The following MORC4 variants were observed in gnomAD, a reference collection of about 807,000 sequenced individuals.
MORC4 encodes MORC family CW-type zinc finger protein 4.
A neutral mutation model predicts 65.5 loss-of-function variants in MORC4; 22 were observed. That is an observed-to-expected ratio of 0.34 (90% CI 0.24 to 0.48). The LOEUF (loss-of-function observed/expected upper bound fraction) is 0.48. MORC4 is among the 20% of genes least tolerant of loss of function. MORC4 has a pLI of 0.99. For missense variants in MORC4, 624 were observed against 703.0 expected (o/e 0.89, Z 1.27); for synonymous variants, 267 against 255.8 (o/e 1.04, Z -0.42).
chrX:106,947,716 A>T (rs1353194342), intron 14 of MORC4, among the ~76,000 whole-genome samples: 1 of 105,538 alleles, frequency 9.5e-6, no homozygotes, highest in Non-Finnish European at 1.9e-5. Flanking sequence ...ACTTTTAAAT[A>T]AAAAATGTTA....
At chrX:106,975,299 G>T (rs1934599474) in intron 9 of MORC4, among the ~76,000 whole-genome samples, 1 of 111,453 alleles carries the variant, frequency 9.0e-6, no homozygotes, top group Non-Finnish European at 1.9e-5. Context: ...TCAAACTAAT[G>T]TCATTCCTAA....
At chrX:106,978,620 G>T (rs866353488) in intron 7 of MORC4, among the ~76,000 whole-genome samples, 1 of 101,993 alleles carries the variant, frequency 9.8e-6, no homozygotes, top group Non-Finnish European at 2.0e-5. Context: ...ACACACACAC[G>T]CACACACACA....
chrX:106,974,629 T>A (rs1015273344), intron 9 of MORC4, among the ~76,000 whole-genome samples: 6 of 111,908 alleles, frequency 5.4e-5, no homozygotes, highest in Non-Finnish European at 7.5e-5. Flanking sequence ...TATGTTACAA[T>A]CTGTTTATAC....
intron 4 of MORC4, among the ~76,000 whole-genome samples, chrX:106,985,753 A>C (rs1934857323): frequency 8.9e-6 from 1 of 111,874 alleles, no homozygotes; most frequent in African/African-American, 3.2e-5. Context: ...TATATAGATC[A>C]AACTGCCTAA....
chrX:106,962,928 C>G (rs778148956), intron 9 of MORC4, among the ~76,000 whole-genome samples: 2 of 111,715 alleles, frequency 1.8e-5, no homozygotes, highest in African/African-American at 3.3e-5. Flanking sequence ...TTTTAAATAT[C>G]TTGGCCCCCT....
At chrX:106,992,161 GAC>G (rs775981620) in intron 3 of MORC4, among the ~76,000 whole-genome samples, 1 of 112,033 alleles carries the variant, frequency 8.9e-6, no homozygotes, top group East Asian at 2.8e-4. Context: ...GAGGGTCTGA[GAC>G]ACAAGGTATA....
chrX:106,964,439 AAGAG>A (rs1934326660), intron 9 of MORC4, among the ~76,000 whole-genome samples: 1 of 111,845 alleles, frequency 8.9e-6, no homozygotes. Flanking sequence ...CCAGAAAGAG[AAGAG>A]AGAAAGGAAC....
At chrX:106,994,819 T>G (rs1935046910) in intron 2 of MORC4, among the ~76,000 whole-genome samples, 1 of 111,288 alleles carries the variant, frequency 9.0e-6, no homozygotes, top group African/African-American at 3.3e-5. Flanking sequence ...AGGGAAAGTT[T>G]ATTTCATATG....
At chrX:106,976,781 C>T (rs1050087398) in intron 8 of MORC4, 97 bp from the exon 9 acceptor site, 1 of 551,835 alleles carries the variant, frequency 1.8e-6, no homozygotes, top group Non-Finnish European at 3.0e-6. Context: ...GTTACATAAC[C>T]TTCATGGGCA....
chrX:106,994,503 TC>T (rs1319114380), intron 2 of MORC4, among the ~76,000 whole-genome samples: 2 of 112,403 alleles, frequency 1.8e-5, no homozygotes, highest in African/African-American at 3.2e-5. Flanking sequence ...TATCATTTTT[TC>T]CCAGGAACAC....
At chrX:106,985,802 T>C (rs1383207708) in intron 4 of MORC4, among the ~76,000 whole-genome samples, 181 bp downstream of exon 4, 3 of 112,385 alleles carry the variant, frequency 2.7e-5, no homozygotes, top group Non-Finnish European at 5.6e-5. Flanking sequence ...TTTCTAAGCT[T>C]ATGTCAATGT....
intron 14 of MORC4, among the ~76,000 whole-genome samples, chrX:106,950,553 C>T (rs188984182): frequency 1.8e-5 from 2 of 112,245 alleles, no homozygotes; most frequent in African/African-American, 6.5e-5. Context: ...AGACTTCTGA[C>T]CTATGAGCAA....
chrX:106,954,884 A>G (rs1449055225), intron 14 of MORC4, 29 bp downstream of exon 14: 1 of 1,179,045 alleles, frequency 8.5e-7, no homozygotes, highest in Non-Finnish European at 1.1e-6. Context: ...AAAGCTTACT[A>G]TTGACAAGAG....
chrX:106,996,824 A>G (rs1935089401), intron 2 of MORC4, among the ~76,000 whole-genome samples: 1 of 111,300 alleles, frequency 9.0e-6, no homozygotes, highest in African/African-American at 3.3e-5. Context: ...CCCCATCTCT[A>G]CCTTCCCCCT....
intron 9 of MORC4, among the ~76,000 whole-genome samples, chrX:106,963,622 A>G (rs894055423): frequency 9.0e-6 from 1 of 110,859 alleles, no homozygotes; most frequent in African/African-American, 3.3e-5. Flanking sequence ...TCAACCCTCT[A>G]CTCCTCCAGT....
chrX:106,998,590 AG>A (rs1183183722), intron 2 of MORC4, among the ~76,000 whole-genome samples: 1 of 112,727 alleles, frequency 8.9e-6, no homozygotes, highest in African/African-American at 3.2e-5. Context: ...GCAGAGGTTC[AG>A]TGCACAGCCC....
intron 9 of MORC4, among the ~76,000 whole-genome samples, chrX:106,968,542 C>T (rs1765331355): frequency 9.3e-6 from 1 of 107,514 alleles, no homozygotes; most frequent in African/African-American, 3.4e-5. Context: ...AGAGTCAAGA[C>T]CCACTGGTGT....
intron 2 of MORC4, among the ~76,000 whole-genome samples, chrX:106,998,457 G>A (rs901384151): frequency 3.6e-5 from 4 of 111,946 alleles, no homozygotes; most frequent in African/African-American, 6.5e-5. Flanking sequence ...GTTCTGCACC[G>A]TGCCAACCAT....
At chrX:106,971,177 C>A (rs184937735) in intron 9 of MORC4, among the ~76,000 whole-genome samples, 193 of 111,749 alleles carry the variant, frequency 1.7e-3, no homozygotes, top group African/African-American at 6.0e-3. Flanking sequence ...TTACCACCAT[C>A]TGATCTTTGA....
Sources: allele counts gnomAD v4.1 joint callset (sites outside exome capture counted in the v4.1 genomes callset), GRCh38; gene constraint gnomAD v4.1.1; transcripts MANE v1.5; gene names NCBI Gene and HGNC (gene_info 2026-07-23, HGNC 2026-07-21).